HYAL1: variants seen among roughly 807,000 people sequenced by gnomAD.
HYAL1 encodes hyaluronidase 1, also known as hyaluronidase-1.
In HYAL1, 21 loss-of-function variants were observed where a neutral mutation model predicts 28.8. That is an observed-to-expected ratio of 0.73 (90% CI 0.52 to 1.05). The LOEUF (loss-of-function observed/expected upper bound fraction) is 1.05. HYAL1 is among the 50% of genes least tolerant of loss of function. The pLI, the probability that HYAL1 is intolerant of heterozygous loss-of-function variation, is 0.00. For synonymous variants in HYAL1, 200 were observed against 230.1 expected (o/e 0.87, Z 1.18); for missense variants, 491 against 579.2 (o/e 0.85, Z 1.56).
chr3:50,309,994 C>G (rs1702414502), intron 1 of HYAL1, among the ~76,000 whole-genome samples: 2 of 151,226 alleles, frequency 1.3e-5, no homozygotes, highest in African/African-American at 4.9e-5. Context: ...ATATTTAGGC[C>G]AAGTATAATA....
rs140887083 is a variant in HYAL1, at chr3:50,301,049, C to G, written c.929G>C (p.Ser310Thr). Residue 310 changes from serine to threonine, a missense_variant, in exon 3 of 4, where the codon AGT becomes ACT. Transcript: ENST00000395144. The stretch of plus-strand genomic sequence containing the variant: ...CACTCCAGCTGCCCCCTGGGCCGCA[C>G]TCTCCCCCAGGCTGTGCTCCAGCTC... The part of the protein sequence containing the change: ...LDELEHSLGE[S>T]AAQGAAGVVL... 5 of 1,613,236 alleles carry G rather than the reference C, an allele frequency of 3.1e-6. No homozygotes were observed. In the South Asian group the frequency reaches 4.4e-5, roughly 14 times the overall value.
In HYAL1 at chr3:50,300,864, T is replaced by C. The variant is rs1449589713; in HGVS notation, c.991-64A>G. 4 of 1,566,290 alleles carry C rather than the reference T, an allele frequency of 2.6e-6. No individual in the cohort carries two copies. In the African/African-American group the frequency reaches 5.4e-5, roughly 21 times the overall value. ...CCATGTATGGACCCACCCAGGGCAC[T>C]GAGGCACTCACCTGCTGGTCAGCCA... On this transcript the variant is annotated intron_variant, in intron 3 of 3. Coordinates refer to ENST00000395144, the MANE Select transcript of HYAL1 (RefSeq NM_033159.4).
At chr3:50,311,723 TC>T (rs1474687681) in intron 1 of HYAL1, among the ~76,000 whole-genome samples, 1 of 118,002 alleles carries the variant, frequency 8.5e-6, no homozygotes, top group African/African-American at 3.3e-5. Context: ...GTGGGGCTGA[TC>T]CCCCCACCTC....
chr3:50,307,701 A>AAAC, upstream of HYAL1, among the ~76,000 whole-genome samples: 1 of 149,774 alleles, frequency 6.7e-6, no homozygotes, highest in Admixed American at 6.6e-5. Flanking sequence ...AAAAAAAAAA[A>AAAC]AAACCCAAAA....
upstream of HYAL1, among the ~76,000 whole-genome samples, chr3:50,306,219 C>A (rs1305748966): frequency 1.2e-5 from 1 of 84,454 alleles, no homozygotes; most frequent in Non-Finnish European, 2.3e-5. Flanking sequence ...CTGTACAACT[C>A]TTTTTTTTTT....
rs190132841 is a variant in HYAL1, at chr3:50,308,834, G to A, written c.-191+825C>T. Among the ~76,000 whole-genome samples the A allele has an allele frequency of 3.0e-4, 45 of 148,642 alleles. 2 individuals are homozygous for A. Among genetic ancestry groups the A allele is most frequent in the African/African-American group, 1.1e-3 (44 of 39,324 alleles). ...CAACCTCTGGCTCCTGGGTTCAAGC[G>A]ATTCTCCTCCCCTAGCCTCCCGAGT... is the stretch of plus-strand genomic sequence containing the variant. On this transcript the variant is annotated intron_variant, in intron 2 of 5. Coordinates refer to the HYAL1 transcript ENST00000320295.
At chr3:50,311,309 C>CG (rs1702446181) in intron 1 of HYAL1, among the ~76,000 whole-genome samples, 1 of 122,986 alleles carries the variant, frequency 8.1e-6, no homozygotes. Context: ...GCTGGCCGGG[C>CG]GGGGGGCTGA....
chr3:50,301,554 G>A (rs1414004142), intron 2 of HYAL1, among the ~76,000 whole-genome samples: 3 of 151,322 alleles, frequency 2.0e-5, no homozygotes, highest in African/African-American at 7.3e-5. Context: ...AAGGTGGAGG[G>A]TGCAGGAGCT....
At chr3:50,301,489 T>C (rs1702158323) in intron 2 of HYAL1, among the ~76,000 whole-genome samples, 1 of 152,060 alleles carries the variant, frequency 6.6e-6, no homozygotes, top group Non-Finnish European at 1.5e-5. Flanking sequence ...GTTGATGGCA[T>C]GCCTGTAATC....
In HYAL1 at chr3:50,302,025, T is replaced by G; in HGVS notation, c.900+32A>C. On this transcript the variant is annotated intron_variant, in intron 2 of 3. Coordinates refer to ENST00000395144, the MANE Select transcript of HYAL1 (RefSeq NM_033159.4). The surrounding 1 kb of genome is among the most constrained non-coding windows in gnomAD (Gnocchi z 5.0). ...TGGACCTAATATCTGACAAGGCAGG[T>G]TGACAAGGTGGGCAGGTTACAGAAG... 6.2e-7 allele frequency: 1 copy of G among 1,611,218 alleles called. No homozygotes were observed. Among genetic ancestry groups the G allele is most frequent in the East Asian group, 2.2e-5 (1 of 44,848 alleles).
chr3:50,311,663 C>T (rs587709028), intron 1 of HYAL1, among the ~76,000 whole-genome samples: 58 of 140,286 alleles, frequency 4.1e-4, no homozygotes, highest in African/African-American at 1.0e-3. Context: ...GCTGGCCGGG[C>T]GGGGGGCTGA....
At chr3:50,311,904 C>A (rs1485575770) in intron 1 of HYAL1, among the ~76,000 whole-genome samples, 6 of 147,724 alleles carry the variant, frequency 4.1e-5, no homozygotes, top group African/African-American at 1.0e-4. Flanking sequence ...GCTGATCCCC[C>A]CTCCCCTCAC....
upstream of HYAL1, among the ~76,000 whole-genome samples, chr3:50,304,674 T>C (rs1466079014): frequency 1.3e-5 from 2 of 152,156 alleles, no homozygotes; most frequent in Non-Finnish European, 2.9e-5. Context: ...GGATAAGTCA[T>C]CCCTGTTGTA....
rs12488235 is a variant in HYAL1, at chr3:50,309,447, G to C, written c.-191+212C>G. On this transcript the variant is annotated intron_variant, in intron 2 of 5. Transcript: ENST00000320295. ...CCATTGCACTCCAGCCTGGGCAACAGAGCCAGACTCCACCAAAAAAAAAAA... is the reference window on the plus strand; with the variant it reads ...CCATTGCACTCCAGCCTGGGCAACACAGCCAGACTCCACCAAAAAAAAAAA... Among the ~76,000 whole-genome samples the C allele has an allele frequency of 0.054, 7,286 of 135,892 alleles. 1,399 individuals are homozygous for C. The East Asian group carries it at 0.6, about 11-fold the overall frequency. The allele number at this position is 135,892 out of a possible 152,430, so 89.2% of individuals were successfully genotyped here.
At chr3:50,305,181 G>GT, upstream of HYAL1, among the ~76,000 whole-genome samples, 1 of 152,278 alleles carries the variant, frequency 6.6e-6, no homozygotes, top group Non-Finnish European at 1.5e-5. Flanking sequence ...GAAGCCCCCA[G>GT]TGGGGGGCCG....
At position 50,302,998 on chromosome 3, in the gene HYAL1, A is replaced by G; in HGVS notation, c.-24-18T>C. On this transcript the variant is annotated intron_variant, in intron 1 of 3. Coordinates refer to ENST00000395144, the MANE Select transcript of HYAL1 (RefSeq NM_033159.4). The surrounding 1 kb of genome is among the most constrained non-coding windows in gnomAD (Gnocchi z 5.0). ...AGGACAACCTGGCCAGGGGAGGCAG[A>G]GCTGAGAACAGGTTGCAAAGTCTCC... The G allele has an allele frequency of 6.6e-7, 1 of 1,519,476 alleles. No homozygotes were observed. The highest frequency in any genetic ancestry group is 8.8e-7 in the Non-Finnish European group (1 of 1,132,744). The allele number at this position is 1,519,476 out of a possible 1,614,324, so 94.1% of individuals were successfully genotyped here.
chr3:50,305,625 T>G (rs1352568549), upstream of HYAL1, among the ~76,000 whole-genome samples: 1 of 139,776 alleles, frequency 7.2e-6, no homozygotes, highest in African/African-American at 2.8e-5. Context: ...AACCTCTGGC[T>G]CCCGGGTTCA....
intron 1 of HYAL1, among the ~76,000 whole-genome samples, chr3:50,311,900 C>T (rs1415337703): frequency 2.1e-5 from 3 of 141,066 alleles, no homozygotes; most frequent in East Asian, 2.2e-4. Flanking sequence ...GGGGGCTGAT[C>T]CCCCCTCCCC....
At chr3:50,311,851 C>A (rs1312789997) in intron 1 of HYAL1, among the ~76,000 whole-genome samples, 1 of 148,894 alleles carries the variant, frequency 6.7e-6, no homozygotes, top group African/African-American at 2.5e-5. Context: ...GGGGGCTGAC[C>A]CCCCCACCTC....
Sources: gnomAD v4.1 joint callset for allele counts (sites outside exome capture counted in the v4.1 genomes callset) on GRCh38, gnomAD v4.1.1 for gene constraint, Gnocchi (gnomAD v3.1) non-coding constraint, MANE v1.5 for transcripts, NCBI Gene and HGNC (gene_info 2026-07-23, HGNC 2026-07-21) for gene names.